STAC: variants seen among roughly 807,000 people sequenced by gnomAD.
STAC encodes the protein SH3 and cysteine-rich domain-containing protein.
STAC carries 43 observed loss-of-function variants against 48.8 expected under a neutral mutation model. The observed-to-expected ratio is 0.88, with a 90% CI of 0.69 to 1.14. The LOEUF is 1.14. Ranked by LOEUF, STAC falls within the 50% of genes most tolerant of loss-of-function variation. STAC has a pLI of 0.00. For missense variants in STAC, 497 were observed against 504.0 expected (o/e 0.99, Z 0.13); for synonymous variants, 193 against 179.5 (o/e 1.07, Z -0.60).
rs1027638035 is a variant in STAC, at chr3:36,436,953, A to C, written c.112-6411A>C. Among the ~76,000 whole-genome samples, 4 of 151,966 alleles carry C rather than the reference A, an allele frequency of 2.6e-5. No homozygotes were observed. The East Asian group carries it at 5.8e-4, about 22-fold the overall frequency. ...AGAAAAAAACAAACAACCCCATCAA[A>C]AAGTGGGCAAAGGACATGAACAGAC... On this transcript the variant is annotated intron_variant, in intron 1 of 10. Transcript: ENST00000273183.
chr3:36,433,267 G>A (rs768090293), intron 1 of STAC, among the ~76,000 whole-genome samples: 8 of 152,076 alleles, frequency 5.3e-5, no homozygotes, highest in Non-Finnish European at 1.0e-4. Context: ...GGAAAACTGG[G>A]GCCTGCTCTT....
intron 1 of STAC, among the ~76,000 whole-genome samples, chr3:36,420,892 A>G (rs1442299867): frequency 6.6e-6 from 1 of 152,348 alleles, no homozygotes; most frequent in East Asian, 1.9e-4. Flanking sequence ...CCATGTTTAA[A>G]TTATTCCAAG....
intron 2 of STAC, among the ~76,000 whole-genome samples, chr3:36,447,397 C>A (rs947080374): frequency 6.6e-6 from 1 of 152,154 alleles, no homozygotes; most frequent in African/African-American, 2.4e-5. Context: ...GTATAAAACA[C>A]TCCCCACTAG....
intron 8 of STAC, among the ~76,000 whole-genome samples, chr3:36,513,253 C>A (rs1263763885): frequency 6.6e-6 from 1 of 152,192 alleles, no homozygotes; most frequent in Non-Finnish European, 1.5e-5. Flanking sequence ...CACCTGCCTA[C>A]CCCAGCAATG....
At position 36,486,171 on chromosome 3, in the gene STAC, C is replaced by T. The variant is rs1697807433; in HGVS notation, c.609C>T (p.Leu203=). The T allele has an allele frequency of 6.2e-7, 1 of 1,613,920 alleles. No homozygotes were observed. Among genetic ancestry groups the T allele is most frequent in the African/African-American group, 1.3e-5 (1 of 74,928 alleles). Residue 203 remains leucine, a synonymous_variant, in exon 5 of 11, where the codon CTC becomes CTT. Transcript: ENST00000273183. ...GNKVDPVYET[L]RFGTSLAQRT... is the part of the protein sequence containing the mutation. Reference sequence around the variant, plus strand: ...AGGTGGACCCTGTCTACGAGACCCTCCGCTTCGGCACCTCCCTGGCCCAGA... The same window carrying T: ...AGGTGGACCCTGTCTACGAGACCCTTCGCTTCGGCACCTCCCTGGCCCAGA...
At chr3:36,441,744 T>C (rs1336509304) in intron 1 of STAC, among the ~76,000 whole-genome samples, 2 of 152,314 alleles carry the variant, frequency 1.3e-5, no homozygotes, top group Non-Finnish European at 2.9e-5. Flanking sequence ...TTTCTCTGCA[T>C]TTGTTATTTT....
intron 2 of STAC, among the ~76,000 whole-genome samples, chr3:36,464,830 A>G (rs532694152): frequency 8.4e-4 from 120 of 142,586 alleles, no homozygotes; most frequent in Non-Finnish European, 1.6e-3. Flanking sequence ...GTGTGTGTGT[A>G]TTTTTTTTTT....
intron 2 of STAC, among the ~76,000 whole-genome samples, chr3:36,472,928 C>T (rs1262706713): frequency 2.6e-5 from 4 of 152,198 alleles, no homozygotes; most frequent in Non-Finnish European, 5.9e-5. Context: ...GGTATCTTTT[C>T]AGCAATGCCC....
intron 2 of STAC, among the ~76,000 whole-genome samples, chr3:36,476,815 C>G (rs1697506395): frequency 6.6e-6 from 1 of 152,160 alleles, no homozygotes; most frequent in Non-Finnish European, 1.5e-5. Context: ...TGCTTTTGCT[C>G]TCCTCTCTCC....
intron 2 of STAC, among the ~76,000 whole-genome samples, chr3:36,461,632 G>A (rs1697019790): frequency 6.6e-6 from 1 of 152,110 alleles, no homozygotes; most frequent in South Asian, 2.1e-4. Flanking sequence ...CAGAGGCAGG[G>A]GGCAGGTTGC....
chr3:36,503,628 T>G (rs1698330295), intron 6 of STAC, among the ~76,000 whole-genome samples: 1 of 152,088 alleles, frequency 6.6e-6, no homozygotes. Flanking sequence ...AGATGGGGTT[T>G]CACCAAGTTG....
intron 2 of STAC, among the ~76,000 whole-genome samples, chr3:36,460,634 C>T (rs1384569821): frequency 2.7e-5 from 4 of 149,664 alleles, no homozygotes; most frequent in African/African-American, 9.8e-5. Context: ...CAGGGCAGCC[C>T]TGCACACATA....
At chr3:36,395,030 T>G (rs1020506211) in intron 1 of STAC, among the ~76,000 whole-genome samples, 14 of 150,604 alleles carry the variant, frequency 9.3e-5, no homozygotes, top group Admixed American at 1.3e-4. Flanking sequence ...TATATAGATA[T>G]ATATATATAT....
intron 1 of STAC, among the ~76,000 whole-genome samples, chr3:36,395,573 T>C (rs1699840672): frequency 1.3e-5 from 2 of 151,926 alleles, no homozygotes; most frequent in South Asian, 4.1e-4. Flanking sequence ...GAATAGAGAT[T>C]CTAAGATCCG....
intron 1 of STAC, among the ~76,000 whole-genome samples, chr3:36,413,398 CT>C (rs1700241493): frequency 6.6e-6 from 1 of 152,098 alleles, no homozygotes. Flanking sequence ...TTAGCTCTTG[CT>C]GTTGAATTGA....
chr3:36,473,585 G>A (rs1446827940), intron 2 of STAC, among the ~76,000 whole-genome samples: 1 of 152,154 alleles, frequency 6.6e-6, no homozygotes, highest in Non-Finnish European at 1.5e-5. Flanking sequence ...CTGGTTCAAA[G>A]TCTCAGAGCT....
rs3061960 is a variant in STAC at position 36,447,649 on chromosome 3, CCACACA to C, written c.388+4040_388+4045del. On this transcript the variant is annotated intron_variant, in intron 2 of 10. Coordinates refer to ENST00000273183, the MANE Select transcript of STAC (RefSeq NM_003149.3). ...GAAAAACTATATATATGTATACACA[CCACACA>C]CACACACACACACACACACACACAC... Among the ~76,000 whole-genome samples the C allele has an allele frequency of 7.2e-3, 1,050 of 146,404 alleles. 8 individuals are homozygous for C. Among genetic ancestry groups the C allele is most frequent in the African/African-American group, 0.02 (810 of 39,984 alleles).
At chr3:36,485,947 T>C in intron 4 of STAC, 187 bp from the exon 5 acceptor site, 1 of 552,314 alleles carries the variant, frequency 1.8e-6, no homozygotes, top group South Asian at 2.3e-5. Flanking sequence ...GACCTGCAAA[T>C]GGGAGCATGC....
intron 1 of STAC, 142 bp downstream of exon 1, chr3:36,380,896 G>A (rs62245717): frequency 3.3e-6 from 2 of 615,036 alleles, no homozygotes; most frequent in African/African-American, 1.9e-5. Context: ...TTGAACGTCC[G>A]GTAGGACCCG....
Sources: allele counts gnomAD v4.1 joint callset (sites outside exome capture counted in the v4.1 genomes callset), GRCh38; gene constraint gnomAD v4.1.1; transcripts MANE v1.5; gene names NCBI Gene and HGNC (gene_info 2026-07-23, HGNC 2026-07-21).